The following ADAMTSL3 variants were observed in gnomAD, a reference collection of about 807,000 sequenced individuals.
ADAMTSL3 encodes the protein ADAMTS like 3.
Under a neutral mutation model 201.7 loss-of-function variants are expected in ADAMTSL3, and 128 were observed. The observed-to-expected ratio is 0.63, with a 90% CI of 0.55 to 0.73. ADAMTSL3 has a LOEUF of 0.73. Among genes scored for constraint, ADAMTSL3 ranks in the 30% least tolerant of loss-of-function variants. The pLI, the probability that ADAMTSL3 is intolerant of heterozygous loss-of-function variation, is 0.00. For missense variants in ADAMTSL3, 1,990 were observed against 2,119.6 expected, an observed-to-expected ratio of 0.94 and a Z score of 1.20; for synonymous variants, 738 against 748.4, an observed-to-expected ratio of 0.99 and a Z score of 0.23.
chr15:83,735,578 G>T (rs2062357151), intron 3 of ADAMTSL3, among the ~76,000 whole-genome samples: 1 of 151,832 alleles, frequency 6.6e-6, no homozygotes, highest in Admixed American at 6.6e-5. Flanking sequence ...TATTTATAAG[G>T]TCATCTTGGG....
chr15:83,962,700 A>G (rs12916106), intron 19 of ADAMTSL3: 65,510 of 152,070 alleles, frequency 0.43, 14,203 homozygotes, highest in Middle Eastern at 0.57. Context: ...AATGAGTATC[A>G]TAAAATCAAA....
chr15:83,954,465 C>A (rs1051952644), intron 19 of ADAMTSL3, among the ~76,000 whole-genome samples: 6 of 152,182 alleles, frequency 3.9e-5, no homozygotes, highest in Non-Finnish European at 8.8e-5. Context: ...TGAGTTTCCT[C>A]AAAATGGCTA....
chr15:83,874,288 A>G (rs929387775), intron 9 of ADAMTSL3, among the ~76,000 whole-genome samples: 1 of 145,482 alleles, frequency 6.9e-6, no homozygotes, highest in Admixed American at 6.7e-5. Flanking sequence ...CAGAGCTCCC[A>G]GAGGAAAGCG....
intron 17 of ADAMTSL3, among the ~76,000 whole-genome samples, chr15:83,934,967 T>C (rs1219896355): frequency 6.6e-6 from 1 of 152,196 alleles, no homozygotes; most frequent in African/African-American, 2.4e-5. Context: ...ATTTCACATG[T>C]TCTCACTTAC....
At chr15:83,940,209 C>A (rs117431303) in intron 17 of ADAMTSL3, among the ~76,000 whole-genome samples, 1 of 152,144 alleles carries the variant, frequency 6.6e-6, no homozygotes, top group Non-Finnish European at 1.5e-5. Flanking sequence ...TTGGCCCATG[C>A]GCAATTTAGA....
intron 27 of ADAMTSL3, among the ~76,000 whole-genome samples, chr15:84,029,717 AT>A (rs1233721106): frequency 6.6e-6 from 1 of 152,226 alleles, no homozygotes; most frequent in Non-Finnish European, 1.5e-5. Context: ...TGCCAATACA[AT>A]GGGGAACATG....
chr15:83,763,624 C>A (rs1175726397), intron 3 of ADAMTSL3, among the ~76,000 whole-genome samples: 1 of 151,910 alleles, frequency 6.6e-6, no homozygotes, highest in Non-Finnish European at 1.5e-5. Flanking sequence ...CCGGCCTCAG[C>A]CTCCTGAGTA....
chr15:83,872,627 C>CACAG lies in ADAMTSL3; in HGVS notation c.960+1669_960+1670insCAGA, dbSNP rs6145659. ...ACACACACACACACACACACACACA[C>CACAG]AGAGTTTTTGTTCTCTTTTAATTAC... On this transcript the variant is annotated intron_variant, in intron 9 of 29. Transcript: ENST00000286744. Among the ~76,000 whole-genome samples, 201 of 141,016 alleles carry CACAG rather than the reference C, an allele frequency of 1.4e-3. No homozygotes were observed. In the South Asian group the frequency reaches 0.017, roughly 12 times the overall value. 92.5% of individuals were successfully genotyped at this position (141,016 alleles called of 152,430 possible).
At chr15:83,917,480 T>G (rs974882502) in intron 16 of ADAMTSL3, among the ~76,000 whole-genome samples, 3 of 152,200 alleles carry the variant, frequency 2.0e-5, no homozygotes, top group African/African-American at 7.2e-5. Context: ...CATGTACTCA[T>G]GCAGCAGTAT....
In ADAMTSL3 at chr15:83,982,834, G is replaced by A. The variant is rs1681637079; in HGVS notation, c.3206G>A (p.Ser1069Asn). ...LLGHCSNSAG[S>N]TNSWELKNKQ... Reference sequence around the variant, plus strand: ...GGCCACTGCAGCAATTCTGCAGGAAGCACCAACTCCTGGGAGTTGAAGAAT... The same window carrying A: ...GGCCACTGCAGCAATTCTGCAGGAAACACCAACTCCTGGGAGTTGAAGAAT... The change falls in exon 21 of 30, where the codon AGC (serine) becomes AAC (asparagine). Residue 1069 changes from serine to asparagine, a missense_variant. Coordinates refer to ENST00000286744, the MANE Select transcript of ADAMTSL3 (RefSeq NM_207517.3). The A allele has an allele frequency of 2.5e-6, 4 of 1,613,998 alleles. No individual in the cohort carries two copies. Among genetic ancestry groups the A allele is most frequent in the Non-Finnish European group, 3.4e-6 (4 of 1,180,058 alleles).
At chr15:83,748,917 A>G (rs1242703754) in intron 3 of ADAMTSL3, among the ~76,000 whole-genome samples, 2 of 152,086 alleles carry the variant, frequency 1.3e-5, no homozygotes, top group Non-Finnish European at 2.9e-5. Context: ...TGGGTTTTCC[A>G]GGGAGCAGAC....
intron 22 of ADAMTSL3, among the ~76,000 whole-genome samples, chr15:83,989,804 C>G (rs2067550991): frequency 6.6e-6 from 1 of 152,094 alleles, no homozygotes; most frequent in African/African-American, 2.4e-5. Context: ...TTCTTTATGA[C>G]CTTGTTTGTA....
At position 83,942,920 on chromosome 15, in the gene ADAMTSL3, CG is replaced by C. The variant is rs750022038; in HGVS notation, c.2333del (p.Gly778GlufsTer13). On this transcript the variant is annotated frameshift_variant, in exon 19 of 30. Transcript: ENST00000286744. LOFTEE classifies it high-confidence loss of function. ...CTTCTTAGTGTTCCAGGACTTGTGG[CG>C]GGGGAACTCAGAACAGAAGAGTCAC... is the stretch of plus-strand genomic sequence containing the variant. Reference protein sequence around the residue: ...EWQQCSRTCGGGTQNRRVTCR... With the variant: ...EWQQCSRTCGXGTQNRRVTCR... 3 of 1,600,130 alleles carry C rather than the reference CG, an allele frequency of 1.9e-6. No homozygotes were observed. Among genetic ancestry groups the C allele is most frequent in the South Asian group, 2.3e-5 (2 of 87,710 alleles).
intron 5 of ADAMTSL3, among the ~76,000 whole-genome samples, chr15:83,811,221 G>C (rs1201869820): frequency 4.6e-5 from 7 of 152,158 alleles, no homozygotes; most frequent in African/African-American, 1.7e-4. Context: ...GACATCTTGT[G>C]GGCCAAGGTG....
chr15:83,863,431 C>T (rs1182774717), intron 8 of ADAMTSL3, among the ~76,000 whole-genome samples: 1 of 152,188 alleles, frequency 6.6e-6, no homozygotes, highest in African/African-American at 2.4e-5. Flanking sequence ...GACCACAGTG[C>T]AATCAAACTA....
chr15:83,901,507 A>G (rs2141920991), intron 15 of ADAMTSL3, among the ~76,000 whole-genome samples: 1 of 152,338 alleles, frequency 6.6e-6, no homozygotes, highest in Non-Finnish European at 1.5e-5. Context: ...CAAAGGGTAG[A>G]GAATAAAACA....
chr15:83,879,638 G>A (rs151123337), intron 9 of ADAMTSL3, among the ~76,000 whole-genome samples: 467 of 152,276 alleles, frequency 3.1e-3, no homozygotes, highest in Non-Finnish European at 4.1e-3. Flanking sequence ...TTCAAAATTT[G>A]TAAAACTTGG....
intron 19 of ADAMTSL3, among the ~76,000 whole-genome samples, chr15:83,953,032 G>C (rs960412051): frequency 6.6e-6 from 1 of 152,112 alleles, no homozygotes; most frequent in African/African-American, 2.4e-5. Context: ...GGTGAAATGT[G>C]CTTCTTGTAG....
chr15:83,664,713 C>T (rs8035750), intron 2 of ADAMTSL3, among the ~76,000 whole-genome samples: 10,660 of 152,300 alleles, frequency 0.07, 425 homozygotes, highest in East Asian at 0.12. Flanking sequence ...GGCACAGTGG[C>T]TCATGCCTGT....
Sources: gnomAD v4.1 joint callset for allele counts (sites outside exome capture counted in the v4.1 genomes callset) on GRCh38, gnomAD v4.1.1 for gene constraint, MANE v1.5 for transcripts, NCBI Gene and HGNC (gene_info 2026-07-23, HGNC 2026-07-21) for gene names.